Variants in NPAS3 observed in about 807,000 individuals in gnomAD.
The protein encoded by NPAS3 is neuronal PAS domain-containing protein 3.
A neutral mutation model predicts 73.1 loss-of-function variants in NPAS3; 14 were observed. The ratio of observed to expected loss-of-function variants is 0.19; its 90% CI spans 0.13 to 0.30. The LOEUF is 0.30. Among genes scored for constraint, NPAS3 ranks in the 10% least tolerant of loss-of-function variants. The probability of loss-of-function intolerance (pLI) is 1.00; values close to 1 mark genes in which losing one functional copy is unlikely to be tolerated. For synonymous variants in NPAS3, 620 were observed against 541.5 expected (o/e 1.14, Z -2.01); for missense variants, 1,096 against 1,250.0 (o/e 0.88, Z 1.86).
chr14:33,640,193 GA>G (rs35169453), intron 5 of NPAS3, among the ~76,000 whole-genome samples: 29,306 of 145,524 alleles, frequency 0.2, 4,189 homozygotes, highest in African/African-American at 0.42. Context: ...ACCCCCTGTT[GA>G]AAAAAAAAAA....
At chr14:33,235,295 G>A (rs547456601) in intron 3 of NPAS3, among the ~76,000 whole-genome samples, 18 of 152,124 alleles carry the variant, frequency 1.2e-4, no homozygotes, top group Admixed American at 7.9e-4. Context: ...CGTTAATTAA[G>A]CGATAGTATA....
chr14:32,989,118 G>A (rs1489360010), intron 1 of NPAS3, among the ~76,000 whole-genome samples: 1 of 152,212 alleles, frequency 6.6e-6, no homozygotes, highest in African/African-American at 2.4e-5. Context: ...TATTCTGGTG[G>A]CATAGAGCTG....
At chr14:33,517,000 A>G (rs2053332914) in intron 4 of NPAS3, among the ~76,000 whole-genome samples, 1 of 152,224 alleles carries the variant, frequency 6.6e-6, no homozygotes, top group Non-Finnish European at 1.5e-5. Context: ...ACTGAGGCAG[A>G]TGAACAGGCT....
chr14:33,544,885 G>A (rs12883068), intron 4 of NPAS3, among the ~76,000 whole-genome samples: 3 of 133,668 alleles, frequency 2.2e-5, no homozygotes, highest in Non-Finnish European at 4.6e-5. Flanking sequence ...ATGTATGTAT[G>A]TATATATTGT....
intron 3 of NPAS3, among the ~76,000 whole-genome samples, chr14:33,236,167 GA>G (rs1180654604): frequency 2.6e-5 from 4 of 151,238 alleles, no homozygotes; most frequent in African/African-American, 4.9e-5. Flanking sequence ...TGTCACCACT[GA>G]AAAAAAACCA....
intron 1 of NPAS3, among the ~76,000 whole-genome samples, chr14:32,977,069 T>TAC (rs1566424311): frequency 1.7e-4 from 13 of 78,106 alleles, no homozygotes; most frequent in East Asian, 7.5e-4. Flanking sequence ...CACACACACA[T>TAC]ACACACACAC....
chr14:33,340,936 C>T, intron 3 of NPAS3, among the ~76,000 whole-genome samples: 1 of 152,170 alleles, frequency 6.6e-6, no homozygotes, highest in East Asian at 1.9e-4. Context: ...TCACCTTATA[C>T]TAAAACAAAC....
rs1555353807 is a variant in NPAS3 at position 33,197,267 on chromosome 14, G to GTGTGTGTGT, written c.141-17914_141-17913insGTGTGTGTT. Among the ~76,000 whole-genome samples the GTGTGTGTGT allele has an allele frequency of 3.2e-4, 47 of 148,834 alleles. No individual in the cohort carries two copies. The South Asian group carries it at 4.3e-3, about 14-fold the overall frequency. On this transcript the variant is annotated intron_variant, in intron 2 of 11. Coordinates refer to ENST00000356141, the Ensembl canonical transcript of NPAS3. ...TGTGTGTGTGTGTGTGTGTGTGTGT[G>GTGTGTGTGT]TTCTTTTTCAATTGAGATCCACTGT...
At chr14:33,357,528 T>A (rs1325900722) in intron 3 of NPAS3, among the ~76,000 whole-genome samples, 1 of 152,194 alleles carries the variant, frequency 6.6e-6, no homozygotes, top group Non-Finnish European at 1.5e-5. Flanking sequence ...ATATTCCTGT[T>A]AAAATTGGAA....
intron 5 of NPAS3, among the ~76,000 whole-genome samples, chr14:33,637,923 T>C (rs558102883): frequency 6.6e-6 from 1 of 152,304 alleles, no homozygotes; most frequent in South Asian, 2.1e-4. Flanking sequence ...GAGCTGGGCT[T>C]TACCCCAAAT....
intron 9 of NPAS3, among the ~76,000 whole-genome samples, chr14:33,787,232 T>G (rs2063204118): frequency 6.6e-6 from 1 of 152,168 alleles, no homozygotes; most frequent in Non-Finnish European, 1.5e-5. Context: ...CCTAGAACAC[T>G]AACAGTGTTT....
chr14:33,044,131 A>G (rs1340438544), intron 1 of NPAS3, among the ~76,000 whole-genome samples: 4 of 152,232 alleles, frequency 2.6e-5, no homozygotes. Context: ...GATGTTAAAA[A>G]CTGAAAAGAT....
chr14:32,972,301 C>G (rs139550798), intron 1 of NPAS3, among the ~76,000 whole-genome samples: 2 of 152,156 alleles, frequency 1.3e-5, no homozygotes, highest in South Asian at 2.1e-4. Context: ...GTACAATACT[C>G]ATTAAAAGCA....
intron 3 of NPAS3, among the ~76,000 whole-genome samples, chr14:33,243,730 G>A (rs539248631): frequency 6.6e-6 from 1 of 151,800 alleles, no homozygotes; most frequent in East Asian, 1.9e-4. Flanking sequence ...GAGCACCATG[G>A]CAGTTCATGG....
chr14:33,749,348 A>G (rs2061893067), intron 7 of NPAS3, among the ~76,000 whole-genome samples: 1 of 152,168 alleles, frequency 6.6e-6, no homozygotes, highest in South Asian at 2.1e-4. Flanking sequence ...TACCTAGGCC[A>G]GTGTTGTCTG....
intron 1 of NPAS3, among the ~76,000 whole-genome samples, chr14:33,035,100 G>A (rs571372079): frequency 6.6e-6 from 1 of 152,192 alleles, no homozygotes; most frequent in South Asian, 2.1e-4. Context: ...TAATGAAAGG[G>A]CATCATTTAA....
chr14:33,376,779 C>T (rs1489787758), intron 4 of NPAS3, among the ~76,000 whole-genome samples: 1 of 152,120 alleles, frequency 6.6e-6, no homozygotes, highest in African/African-American at 2.4e-5. Context: ...CTCTCTAAGC[C>T]TTAGTTTTTT....
intron 5 of NPAS3, among the ~76,000 whole-genome samples, chr14:33,674,355 G>A (rs111482208): frequency 8.5e-5 from 13 of 152,330 alleles, no homozygotes; most frequent in African/African-American, 2.9e-4. Context: ...ATTTACGAAA[G>A]TGCTACAATT....
intron 4 of NPAS3, among the ~76,000 whole-genome samples, chr14:33,394,449 C>T (rs747550440): frequency 6.6e-6 from 1 of 152,150 alleles, no homozygotes; most frequent in Non-Finnish European, 1.5e-5. Context: ...CAAAGCTTAA[C>T]GTATCAAATG....
Sources: allele counts gnomAD v4.1 joint callset (sites outside exome capture counted in the v4.1 genomes callset), GRCh38; gene constraint gnomAD v4.1.1; transcripts MANE v1.5; gene names NCBI Gene and HGNC (gene_info 2026-07-23, HGNC 2026-07-21).